Variants in MAF observed in about 807,000 individuals in gnomAD.
The protein encoded by MAF is transcription factor Maf.
A neutral mutation model predicts 22.0 loss-of-function variants in MAF; 10 were observed. The ratio of observed to expected loss-of-function variants is 0.45; its 90% CI spans 0.28 to 0.77. The LOEUF is 0.77. Among genes scored for constraint, MAF ranks in the 30% least tolerant of loss-of-function variants. MAF has a pLI of 0.12. For synonymous variants in MAF, 337 were observed against 255.8 expected (o/e 1.32, Z -3.03); for missense variants, 544 against 548.4 (o/e 0.99, Z 0.08).
At chr16:79,297,099 T>G in the MAF span, among the ~76,000 whole-genome samples, 3 of 152,190 alleles carry the variant, frequency 2.0e-5, no homozygotes, top group Non-Finnish European at 2.9e-5. Flanking sequence ...AGTCACCTTT[T>G]CCAGATAATA....
chr16:79,416,862 A>T, the MAF span, among the ~76,000 whole-genome samples: 1 of 152,196 alleles, frequency 6.6e-6, no homozygotes, highest in Non-Finnish European at 1.5e-5. Flanking sequence ...ATGAAGTGTT[A>T]TATAGTTTTA....
At chr16:79,343,339 C>A in the MAF span, among the ~76,000 whole-genome samples, 1 of 152,064 alleles carries the variant, frequency 6.6e-6, no homozygotes, top group African/African-American at 2.4e-5. Flanking sequence ...CTATGTTAGC[C>A]TCTGACTTGA....
chr16:79,332,228 G>A, the MAF span, among the ~76,000 whole-genome samples: 1 of 152,166 alleles, frequency 6.6e-6, no homozygotes, highest in Non-Finnish European at 1.5e-5. Flanking sequence ...TCACTCACCT[G>A]TGCATATTAT....
At chr16:79,277,352 T>G in the MAF span, among the ~76,000 whole-genome samples, 1 of 152,316 alleles carries the variant, frequency 6.6e-6, no homozygotes, top group South Asian at 2.1e-4. Context: ...TTTCTAATCA[T>G]GTTTGACATT....
chr16:79,307,968 A>G, the MAF span, among the ~76,000 whole-genome samples: 4 of 152,236 alleles, frequency 2.6e-5, no homozygotes, highest in Non-Finnish European at 4.4e-5. Flanking sequence ...TGGAATTTGC[A>G]AAAACAGAAC....
At chr16:79,582,063 A>G (rs1226357309), downstream of MAF, among the ~76,000 whole-genome samples, 3 of 152,172 alleles carry the variant, frequency 2.0e-5, no homozygotes, top group African/African-American at 7.2e-5. Flanking sequence ...TTGTCCTGCC[A>G]TTTTCCTAAG....
the MAF span, among the ~76,000 whole-genome samples, chr16:79,527,192 C>T: frequency 5.9e-5 from 9 of 152,118 alleles, no homozygotes; most frequent in Non-Finnish European, 1.3e-4. Context: ...GATTGGTCTT[C>T]GTCCCCTAAA....
At chr16:79,390,362 C>G in the MAF span, among the ~76,000 whole-genome samples, 1 of 152,066 alleles carries the variant, frequency 6.6e-6, no homozygotes, top group Non-Finnish European at 1.5e-5. Context: ...TCACTCCTGC[C>G]AAAGCTTGAA....
chr16:79,268,311 G>A, the MAF span, among the ~76,000 whole-genome samples: 1 of 152,104 alleles, frequency 6.6e-6, no homozygotes, highest in Non-Finnish European at 1.5e-5. Flanking sequence ...TCATGGGCTT[G>A]TAGGAAACCT....
chr16:79,545,424 A>G, the MAF span, among the ~76,000 whole-genome samples: 1 of 152,174 alleles, frequency 6.6e-6, no homozygotes, highest in East Asian at 1.9e-4. Context: ...GCAGAATGTT[A>G]AATCAAGTGT....
the MAF span, among the ~76,000 whole-genome samples, chr16:79,297,165 T>A: frequency 6.6e-6 from 1 of 152,112 alleles, no homozygotes; most frequent in Non-Finnish European, 1.5e-5. Context: ...CCCTGCTCCA[T>A]CATTTAACGC....
the MAF span, among the ~76,000 whole-genome samples, chr16:79,494,738 G>C: frequency 1.1e-4 from 17 of 152,194 alleles, no homozygotes; most frequent in African/African-American, 4.1e-4. Flanking sequence ...TAACCGCCTG[G>C]AGTTATGCAG....
chr16:79,406,612 G>A, the MAF span, among the ~76,000 whole-genome samples: 9 of 152,088 alleles, frequency 5.9e-5, no homozygotes, highest in Non-Finnish European at 1.2e-4. Flanking sequence ...CCTCCCATAG[G>A]TCCTACCTCC....
chr16:79,238,262 C>T, the MAF span, among the ~76,000 whole-genome samples: 2 of 152,152 alleles, frequency 1.3e-5, no homozygotes, highest in East Asian at 3.9e-4. Flanking sequence ...TTTCCCAGGA[C>T]CCAAGCTGTC....
chr16:79,478,057 G>C, the MAF span, among the ~76,000 whole-genome samples: 1 of 152,198 alleles, frequency 6.6e-6, no homozygotes, highest in East Asian at 1.9e-4. Context: ...CTCAGAGCTG[G>C]GTATGATTAA....
chr16:79,306,729 C>G, the MAF span, among the ~76,000 whole-genome samples: 14 of 152,176 alleles, frequency 9.2e-5, no homozygotes, highest in Admixed American at 8.5e-4. Context: ...TCGTTCTTAT[C>G]TTGGGCTGGG....
the MAF span, among the ~76,000 whole-genome samples, chr16:79,401,681 A>G: frequency 4.6e-5 from 7 of 152,318 alleles, no homozygotes; most frequent in South Asian, 1.5e-3. Flanking sequence ...AGTGATAATA[A>G]TAATAATCAA....
chr16:79,298,101 G>T, the MAF span, among the ~76,000 whole-genome samples: 1 of 152,238 alleles, frequency 6.6e-6, no homozygotes, highest in African/African-American at 2.4e-5. Context: ...TTATACCAAG[G>T]GCCGGGTGCC....
At chr16:79,492,898 G>C in the MAF span, among the ~76,000 whole-genome samples, 22 of 152,270 alleles carry the variant, frequency 1.4e-4, no homozygotes, top group Non-Finnish European at 1.9e-4. Flanking sequence ...GCTATGAAGG[G>C]GGTCTGCAGA....
Sources: allele counts gnomAD v4.1 joint callset (sites outside exome capture counted in the v4.1 genomes callset), GRCh38; gene constraint gnomAD v4.1.1; transcripts MANE v1.5; gene names NCBI Gene and HGNC (gene_info 2026-07-23, HGNC 2026-07-21).